The following CCDC93 variants were observed in gnomAD, a reference collection of about 807,000 sequenced individuals.
The protein encoded by CCDC93 is CCC complex scaffolding subunit CCDC93.
In CCDC93, 61 loss-of-function variants were observed where a neutral mutation model predicts 108.2. The ratio of observed to expected loss-of-function variants is 0.56; its 90% CI spans 0.46 to 0.70. The LOEUF (loss-of-function observed/expected upper bound fraction) is 0.70, where lower values mean the gene tolerates loss of function less well. Ranked by LOEUF, CCDC93 falls within the 30% of genes least tolerant of loss-of-function variation. The pLI is 0.00. For missense variants in CCDC93, 685 were observed against 764.2 expected (o/e 0.90, Z 1.22); for synonymous variants, 276 against 260.4 (o/e 1.06, Z -0.58).
intron 17 of CCDC93, among the ~76,000 whole-genome samples, 163 bp downstream of exon 17, chr2:117,945,366 C>A (rs1678834671): frequency 6.6e-6 from 1 of 152,216 alleles, no homozygotes; most frequent in Admixed American, 6.5e-5. Flanking sequence ...CTGCCTCCAT[C>A]TGAGGCCTAG....
intron 4 of CCDC93, chr2:118,000,598 A>G (rs577976744): frequency 6.0e-5 from 28 of 469,898 alleles, no homozygotes; most frequent in Non-Finnish European, 1.0e-4. Context: ...AGATGAGAAC[A>G]TTCAAAGATC....
rs1678464641 is a variant in CCDC93, at chr2:117,934,594, C to T, written c.1728+901G>A. 1.9e-5 allele frequency: 3 copies of T among 153,942 alleles called. No individual in the cohort carries two copies. In the South Asian group the frequency reaches 6.1e-4, roughly 31 times the overall value. 9.5% of individuals were successfully genotyped at this position (153,942 alleles called of 1,614,324 possible). On this transcript the variant is annotated intron_variant, in intron 22 of 23. Coordinates refer to ENST00000376300, the MANE Select transcript of CCDC93 (RefSeq NM_019044.5). ...ACAGGGAAAGGGATATGGAGCACTT[C>T]TGCCCTTAGCTCATCTCTTGTGAGA...
chr2:117,941,322 C>T (rs1453298335), intron 18 of CCDC93, 25 bp from the exon 19 acceptor site: 2 of 1,587,266 alleles, frequency 1.3e-6, no homozygotes, highest in East Asian at 4.5e-5. Flanking sequence ...GAGACAGAGA[C>T]AGTACTATTT....
intron 7 of CCDC93, among the ~76,000 whole-genome samples, chr2:117,982,241 G>C (rs1036973108): frequency 6.6e-6 from 1 of 152,018 alleles, no homozygotes; most frequent in African/African-American, 2.4e-5. Context: ...ACCTCCTCTT[G>C]CAAGTCAAAT....
intron 23 of CCDC93, among the ~76,000 whole-genome samples, chr2:117,922,367 G>T (rs1171009841): frequency 4.6e-5 from 7 of 152,180 alleles, no homozygotes; most frequent in Admixed American, 4.6e-4. Context: ...AAGGGAAAAT[G>T]TCTCATCACC....
At chr2:117,949,447 ACAAC>A in intron 13 of CCDC93, 52 bp from the exon 14 acceptor site, 6 of 1,282,896 alleles carry the variant, frequency 4.7e-6, no homozygotes, top group South Asian at 1.2e-5. Context: ...GCAGAGGTGA[ACAAC>A]TTCACCTTCT....
At chr2:117,950,505 C>G in intron 13 of CCDC93, 2 of 985,436 alleles carry the variant, frequency 2.0e-6, no homozygotes, top group South Asian at 9.4e-5. Context: ...CCTCCATGCC[C>G]AGCTCTACTT....
At chr2:117,985,654 G>C (rs1360318684) in intron 7 of CCDC93, among the ~76,000 whole-genome samples, 1 of 152,078 alleles carries the variant, frequency 6.6e-6, no homozygotes. Flanking sequence ...TGAAATCACT[G>C]AAACTGTTTT....
At chr2:117,960,474 C>T (rs941023202) in intron 11 of CCDC93, among the ~76,000 whole-genome samples, 1 of 152,214 alleles carries the variant, frequency 6.6e-6, no homozygotes, top group Admixed American at 6.5e-5. Flanking sequence ...TGACTGTTAG[C>T]AAGCTTTCTT....
At chr2:118,004,013 T>C (rs1055210336) in intron 3 of CCDC93, among the ~76,000 whole-genome samples, 6 of 152,198 alleles carry the variant, frequency 3.9e-5, no homozygotes, top group African/African-American at 1.2e-4. Context: ...GTGACTAGTT[T>C]GACTCCTTTA....
At chr2:117,994,349 C>A (rs542901853) in intron 6 of CCDC93, among the ~76,000 whole-genome samples, 1 of 152,274 alleles carries the variant, frequency 6.6e-6, no homozygotes, top group South Asian at 2.1e-4. Context: ...AATACTGCCA[C>A]CAAATCTGAA....
chr2:117,985,907 T>C (rs1438759852), intron 7 of CCDC93, 62 bp downstream of exon 7: 4 of 1,008,244 alleles, frequency 4.0e-6, no homozygotes, highest in African/African-American at 1.6e-5. Context: ...TTAATCCAAA[T>C]GAAGCAACTT....
chr2:118,007,037 TA>T (rs77567759), intron 2 of CCDC93, among the ~76,000 whole-genome samples: 38,570 of 152,144 alleles, frequency 0.25, 5,383 homozygotes, highest in East Asian at 0.4. Flanking sequence ...AATATTCCGT[TA>T]TCTGCAAGGA....
intron 18 of CCDC93, among the ~76,000 whole-genome samples, chr2:117,942,211 CTT>C (rs1181165209): frequency 1.3e-5 from 2 of 152,318 alleles, no homozygotes; most frequent in East Asian, 3.9e-4. Flanking sequence ...TTTCAGGAGT[CTT>C]AAGATACAAC....
intron 14 of CCDC93, 74 bp from the exon 15 acceptor site, chr2:117,948,260 C>A: frequency 1.9e-6 from 2 of 1,073,570 alleles, no homozygotes; most frequent in South Asian, 2.7e-5. Context: ...AAAGCAGGTC[C>A]GCAGCTAAAA....
At chr2:117,923,892 T>C (rs777872035) in intron 23 of CCDC93, among the ~76,000 whole-genome samples, 7 of 152,236 alleles carry the variant, frequency 4.6e-5, no homozygotes, top group East Asian at 1.9e-4. Context: ...TAGGGGCACA[T>C]TGACACATCA....
chr2:117,985,025 T>C (rs76308221), intron 7 of CCDC93, among the ~76,000 whole-genome samples: 5,111 of 152,220 alleles, frequency 0.034, 116 homozygotes, highest in Middle Eastern at 0.071. Context: ...AGGCATTCAA[T>C]TCACAGCAGC....
chr2:117,962,297 G>A (rs1679421841), intron 11 of CCDC93, among the ~76,000 whole-genome samples: 1 of 152,184 alleles, frequency 6.6e-6, no homozygotes, highest in Admixed American at 6.5e-5. Context: ...GGTACCAGGA[G>A]TTCTCTACAC....
intron 13 of CCDC93, 140 bp downstream of exon 13, chr2:117,952,233 C>G (rs1400565686): frequency 5.8e-6 from 4 of 695,474 alleles, no homozygotes; most frequent in Non-Finnish European, 1.1e-5. Context: ...TGTCCTATGT[C>G]CTCAAAATGA....
Sources: allele counts gnomAD v4.1 joint callset (sites outside exome capture counted in the v4.1 genomes callset), GRCh38; gene constraint gnomAD v4.1.1; transcripts MANE v1.5; gene names NCBI Gene and HGNC (gene_info 2026-07-23, HGNC 2026-07-21).